PPFIA2: variants seen among roughly 807,000 people sequenced by gnomAD.
The protein encoded by PPFIA2 is PPFI scaffold protein A2.
A neutral mutation model predicts 175.5 loss-of-function variants in PPFIA2; 46 were observed. That is an observed-to-expected ratio of 0.26 (90% CI 0.21 to 0.34). The LOEUF is 0.34. Among genes scored for constraint, PPFIA2 ranks in the 10% least tolerant of loss-of-function variants. The pLI is 1.00. For missense variants in PPFIA2, 1,179 were observed against 1,506.1 expected (o/e 0.78, Z 3.60); for synonymous variants, 568 against 511.4 (o/e 1.11, Z -1.49).
intron 3 of PPFIA2, among the ~76,000 whole-genome samples, chr12:81,708,991 T>C (rs1474069036): frequency 6.6e-6 from 1 of 152,222 alleles, no homozygotes; most frequent in Non-Finnish European, 1.5e-5. Flanking sequence ...AGTGAAGCTC[T>C]GCTTCATTTA....
chr12:81,618,920 C>T (rs562233302), intron 4 of PPFIA2, among the ~76,000 whole-genome samples: 25 of 152,188 alleles, frequency 1.6e-4, no homozygotes, highest in African/African-American at 5.5e-4. Context: ...AGTCGAGTAC[C>T]TATAATAGTC....
In PPFIA2 at chr12:81,294,816, G is replaced by A. The variant is rs2046090953; in HGVS notation, c.2925+19C>T. ...ATTTGCCTAGCACTGAGGAAGGGGA[G>A]GAGCAGAAACTGACTCACAGTTCGA... On this transcript the variant is annotated intron_variant, in intron 24 of 32. Coordinates refer to ENST00000549396, the MANE Select transcript of PPFIA2 (RefSeq NM_003625.5). The A allele has an allele frequency of 1.2e-6, 2 of 1,608,632 alleles. No homozygotes were observed. Among genetic ancestry groups the A allele is most frequent in the Non-Finnish European group, 1.7e-6 (2 of 1,177,134 alleles).
chr12:81,445,770 A>G (rs770767608), intron 5 of PPFIA2, 50 bp from the exon 6 acceptor site: 37 of 1,513,048 alleles, frequency 2.4e-5, no homozygotes, highest in Non-Finnish European at 3.2e-5. Flanking sequence ...CAAGTCATAA[A>G]TACTTACAAA....
At chr12:81,616,768 C>T (rs952984412) in intron 4 of PPFIA2, among the ~76,000 whole-genome samples, 19 of 152,114 alleles carry the variant, frequency 1.2e-4, no homozygotes, top group African/African-American at 3.4e-4. Flanking sequence ...ATTCTTATTA[C>T]AAATGCTTTC....
At chr12:81,555,262 T>C (rs1232865527) in intron 4 of PPFIA2, among the ~76,000 whole-genome samples, 1 of 152,028 alleles carries the variant, frequency 6.6e-6, no homozygotes, top group Non-Finnish European at 1.5e-5. Context: ...TTATATGTTG[T>C]AGGAAATTCA....
chr12:81,611,101 C>A (rs190151509), intron 4 of PPFIA2, among the ~76,000 whole-genome samples: 1 of 151,956 alleles, frequency 6.6e-6, no homozygotes, highest in Non-Finnish European at 1.5e-5. Context: ...CTAGCATTCG[C>A]GGGGAGGAAT....
At chr12:81,284,676 T>G (rs1565909836) in intron 24 of PPFIA2, among the ~76,000 whole-genome samples, 2 of 152,200 alleles carry the variant, frequency 1.3e-5, no homozygotes, top group Admixed American at 1.3e-4. Context: ...GTAATTTTAA[T>G]TTTTTACTCA....
rs17008417 is a variant in PPFIA2, at chr12:81,341,014, C to T, written c.2393+64G>A. ...TGTTAAGCAGTCTATTCGACAACAACGAAGGAAGAGGAATATTTTTGGAAG... is the reference window on the plus strand; with the variant it reads ...TGTTAAGCAGTCTATTCGACAACAATGAAGGAAGAGGAATATTTTTGGAAG... On this transcript the variant is annotated intron_variant, in intron 20 of 32. Coordinates refer to ENST00000549396, the MANE Select transcript of PPFIA2 (RefSeq NM_003625.5). 12,784 of 1,455,102 alleles carry T rather than the reference C, an allele frequency of 8.8e-3. 300 individuals carry two copies. Among genetic ancestry groups the T allele is most frequent in the East Asian group, 0.049 (2,037 of 41,386 alleles). 90.1% of individuals were successfully genotyped at this position (1,455,102 alleles called of 1,614,324 possible).
intron 4 of PPFIA2, among the ~76,000 whole-genome samples, chr12:81,533,630 A>C (rs1221742841): frequency 2.0e-5 from 3 of 151,484 alleles, no homozygotes; most frequent in Non-Finnish European, 4.4e-5. Context: ...TGAACAATGA[A>C]TTAGAACTTA....
intron 3 of PPFIA2, among the ~76,000 whole-genome samples, chr12:81,708,190 A>C (rs558089731): frequency 5.9e-5 from 9 of 152,188 alleles, no homozygotes; most frequent in Non-Finnish European, 1.2e-4. Context: ...AAACAAAAAA[A>C]ATGGAAATTT....
At chr12:81,599,448 T>C (rs2059578228) in intron 4 of PPFIA2, among the ~76,000 whole-genome samples, 2 of 152,014 alleles carry the variant, frequency 1.3e-5, no homozygotes, top group Admixed American at 6.6e-5. Flanking sequence ...GTGTAGGTAA[T>C]TATTTAACTA....
At position 81,295,168 on chromosome 12, in the gene PPFIA2, T is replaced by G; in HGVS notation, c.2725-133A>C. 3 of 821,780 alleles carry G rather than the reference T, an allele frequency of 3.7e-6. No individual in the cohort carries two copies. In the East Asian group the frequency reaches 8.1e-5, roughly 22 times the overall value. The allele number at this position is 821,780 out of a possible 1,614,324, so 50.9% of individuals were successfully genotyped here. A position where few individuals can be genotyped will look rare whatever the true frequency, so the allele number is the denominator to read the frequency against. On this transcript the variant is annotated intron_variant, in intron 23 of 32. Transcript: ENST00000549396. ...ACGAGATAAAATGTTATCATTATTT[T>G]CCCTAGAGGACATAGATGCACAAAG...
At chr12:81,553,952 G>A (rs1363560119) in intron 4 of PPFIA2, among the ~76,000 whole-genome samples, 1 of 151,958 alleles carries the variant, frequency 6.6e-6, no homozygotes, top group African/African-American at 2.4e-5. Flanking sequence ...GGTTTTCATG[G>A]CATTTAAGAT....
intron 3 of PPFIA2, among the ~76,000 whole-genome samples, chr12:81,737,297 C>G (rs977875586): frequency 6.6e-6 from 1 of 151,862 alleles, no homozygotes; most frequent in Non-Finnish European, 1.5e-5. Context: ...GATGCAGTAG[C>G]CTTAATGAAT....
chr12:81,339,878 A>G (rs1398641057), intron 20 of PPFIA2, among the ~76,000 whole-genome samples: 1 of 152,088 alleles, frequency 6.6e-6, no homozygotes, highest in African/African-American at 2.4e-5. Flanking sequence ...CAAACCATGT[A>G]TCCTCGTGAT....
At chr12:81,357,827 T>C (rs577190796) in intron 16 of PPFIA2, among the ~76,000 whole-genome samples, 1 of 152,324 alleles carries the variant, frequency 6.6e-6, no homozygotes, top group African/African-American at 2.4e-5. Flanking sequence ...TCAGTGTTTT[T>C]ATGTCTGAAC....
intron 4 of PPFIA2, among the ~76,000 whole-genome samples, chr12:81,632,063 G>A (rs572709934): frequency 5.3e-4 from 80 of 152,088 alleles, no homozygotes; most frequent in African/African-American, 1.9e-3. Flanking sequence ...CATATACAAA[G>A]GGCAGGTATT....
intron 4 of PPFIA2, among the ~76,000 whole-genome samples, chr12:81,597,497 T>C (rs942794861): frequency 6.6e-6 from 1 of 152,112 alleles, no homozygotes; most frequent in African/African-American, 2.4e-5. Flanking sequence ...AATTAAATAA[T>C]GGGAATTATG....
intron 4 of PPFIA2, among the ~76,000 whole-genome samples, chr12:81,633,989 A>G (rs2063700906): frequency 6.6e-6 from 1 of 152,012 alleles, no homozygotes; most frequent in African/African-American, 2.4e-5. Flanking sequence ...ATTCAAAAGC[A>G]CTCTCTTGTG....
Sources: gnomAD v4.1 joint callset for allele counts (sites outside exome capture counted in the v4.1 genomes callset) on GRCh38, gnomAD v4.1.1 for gene constraint, MANE v1.5 for transcripts, NCBI Gene and HGNC (gene_info 2026-07-23, HGNC 2026-07-21) for gene names.